RREB1: variants seen among roughly 807,000 people sequenced by gnomAD.
RREB1 encodes ras responsive element binding protein 1.
A neutral mutation model predicts 117.8 loss-of-function variants in RREB1; 27 were observed. That is an observed-to-expected ratio of 0.23 (90% CI 0.17 to 0.32). The LOEUF (loss-of-function observed/expected upper bound fraction) is 0.32. RREB1 is among the 10% of genes least tolerant of loss of function. The probability of loss-of-function intolerance (pLI) is 1.00; values close to 1 mark genes in which losing one functional copy is unlikely to be tolerated. For missense variants in RREB1, 2,577 were observed against 2,378.2 expected, an observed-to-expected ratio of 1.08 and a Z score of -1.74; for synonymous variants, 1,298 against 1,026.7, an observed-to-expected ratio of 1.26 and a Z score of -5.05.
Position 7,229,920 on chromosome 6 carries a change from G to A in RREB1, c.1821G>A (p.Pro607=), listed in dbSNP as rs1427732486. Residue 607 remains proline, a synonymous_variant, in exon 10 of 13, where the codon CCG becomes CCA. Transcript: ENST00000379938. This position sits in a 1 kb window ranked among gnomAD's most constrained non-coding sequence, Gnocchi z 4.5. ...EQDSIIEALL[P]LSMEAKIKQE... ...ACAGCATCATCGAGGCCCTGCTGCC[G>A]CTGAGCATGGAGGCCAAGATCAAGC... The A allele has an allele frequency of 5.0e-6, 8 of 1,599,040 alleles. No individual in the cohort carries two copies. Among genetic ancestry groups the A allele is most frequent in the Non-Finnish European group, 4.3e-6 (5 of 1,169,102 alleles).
chr6:7,199,186 A>G (rs1765810581), intron 6 of RREB1, among the ~76,000 whole-genome samples: 1 of 152,216 alleles, frequency 6.6e-6, no homozygotes, highest in Non-Finnish European at 1.5e-5. Context: ...TTTTCTGGCC[A>G]GGGCTGATAA....
rs1265857630 is a variant in RREB1, at chr6:7,210,853, C to A, written c.475C>A (p.Pro159Thr). The change falls in exon 7 of 13, where the codon CCT becomes ACT. Residue 159 changes from proline to threonine, a missense_variant. By Grantham distance (38) the Pro-to-Thr change is conservative. Coordinates refer to ENST00000379938, the MANE Select transcript of RREB1 (RefSeq NM_001003699.4). ...CCCTAACAGTGCCACAGCCACAGCC[C>A]CTCCATCTCCTCTGAAACGTAGGCG... ...KDPNSATATAPPSPLKRRRLS... is the reference protein window; with the variant it reads ...KDPNSATATATPSPLKRRRLS... The A allele has an allele frequency of 1.2e-6, 2 of 1,614,034 alleles. No homozygotes were observed. Among genetic ancestry groups the A allele is most frequent in the Non-Finnish European group, 1.7e-6 (2 of 1,179,898 alleles).
Position 7,231,461 on chromosome 6 carries a change from C to G in RREB1, c.3362C>G (p.Thr1121Ser), listed in dbSNP as rs149771850. 74 of 1,613,200 alleles carry G rather than the reference C, an allele frequency of 4.6e-5. No homozygotes were observed. The highest frequency in any genetic ancestry group is 5.8e-5 in the Non-Finnish European group (69 of 1,179,822). ...AATTATPAAT[T>S]SPKESSEPPA... ...ACCACCGCCACCCCCGCTGCCACCACCAGCCCAAAAGAGTCTAGTGAGCCT... is the reference window on the plus strand; with the variant it reads ...ACCACCGCCACCCCCGCTGCCACCAGCAGCCCAAAAGAGTCTAGTGAGCCT... Residue 1121 changes from threonine to serine, a missense_variant, in exon 10 of 13, where the codon ACC becomes AGC. Coordinates refer to ENST00000379938, the MANE Select transcript of RREB1 (RefSeq NM_001003699.4).
At chr6:7,161,823 T>C (rs1024769370) in intron 1 of RREB1, among the ~76,000 whole-genome samples, 13 of 152,214 alleles carry the variant, frequency 8.5e-5, no homozygotes, top group Non-Finnish European at 1.6e-4. Context: ...ACCCACCAGC[T>C]GTAGTGCCCC....
At chr6:7,143,851 CTTTTTTTTTTTTTT>C (rs11365387) in intron 1 of RREB1, among the ~76,000 whole-genome samples, 1 of 89,382 alleles carries the variant, frequency 1.1e-5, no homozygotes, top group Non-Finnish European at 2.3e-5. Context: ...TTTTTTCTTT[CTTTTTTTTTTTTTT>C]TTTTTGCATA....
At chr6:7,160,815 T>TAGCTGGGATTACCG (rs376052796) in intron 1 of RREB1, among the ~76,000 whole-genome samples, 14 of 151,814 alleles carry the variant, frequency 9.2e-5, no homozygotes, top group African/African-American at 2.9e-4. Flanking sequence ...GCCTCCTGAG[T>TAGCTGGGATTACCG]AGCTGGGATT....
Position 7,172,696 on chromosome 6 carries a change from G to T in RREB1, c.-284-3959G>T, listed in dbSNP as rs564663989. Among the ~76,000 whole-genome samples, 18 of 147,228 alleles carry T rather than the reference G, an allele frequency of 1.2e-4. No homozygotes were observed. In the South Asian group the frequency reaches 3.6e-3, roughly 29 times the overall value. ...CCAGCCACGGGTTGCCGGTGTGGGG[G>T]GGTGGGGGTGACTTTCTTGGGTTGC... On this transcript the variant is annotated intron_variant, in intron 1 of 12. Transcript: ENST00000379938.
At chr6:7,144,909 G>A (rs1353710796) in intron 1 of RREB1, among the ~76,000 whole-genome samples, 1 of 152,154 alleles carries the variant, frequency 6.6e-6, no homozygotes, top group African/African-American at 2.4e-5. Flanking sequence ...ATATTTATTT[G>A]TTGTCCTTCA....
intron 1 of RREB1, among the ~76,000 whole-genome samples, chr6:7,166,104 C>T (rs541495674): frequency 1.2e-4 from 18 of 152,288 alleles, no homozygotes; most frequent in African/African-American, 1.4e-4. Flanking sequence ...AACTAATCAC[C>T]GCCTGGAGAG....
chr6:7,203,755 G>A lies in RREB1; in HGVS notation c.426-7049G>A, dbSNP rs181608342. Among the ~76,000 whole-genome samples, 267 of 152,332 alleles carry A rather than the reference G, an allele frequency of 1.8e-3. 3 individuals are homozygous for A. Among genetic ancestry groups the A allele is most frequent in the African/African-American group, 6.1e-3 (254 of 41,580 alleles). Reference sequence around the variant, plus strand: ...ATGCTACAGTCAACAGATGAGAGACGTTCTCTATTCTGGGGACGTATTGCC... The same window carrying A: ...ATGCTACAGTCAACAGATGAGAGACATTCTCTATTCTGGGGACGTATTGCC... On this transcript the variant is annotated intron_variant, in intron 6 of 12. Transcript: ENST00000379938.
chr6:7,158,103 C>T (rs896335390), intron 1 of RREB1, among the ~76,000 whole-genome samples: 3 of 152,112 alleles, frequency 2.0e-5, no homozygotes, highest in Non-Finnish European at 4.4e-5. Flanking sequence ...GGATCCCTTT[C>T]CATTTCTTCA....
At chr6:7,126,822 G>A (rs1761955972) in intron 1 of RREB1, among the ~76,000 whole-genome samples, 1 of 152,092 alleles carries the variant, frequency 6.6e-6, no homozygotes, top group Non-Finnish European at 1.5e-5. Context: ...CTTGCCCTGG[G>A]TACCAGCCTC....
rs113384102 is a variant in RREB1 at position 7,145,860 on chromosome 6, G to T, written c.-284-30795G>T. ...GTAGCTGCCCCTATGCCTGTGGGGA[G>T]AAGAAGAGGGAAGAAAGGGGTTGCT... On this transcript the variant is annotated intron_variant, in intron 1 of 12. Coordinates refer to ENST00000379938, the MANE Select transcript of RREB1 (RefSeq NM_001003699.4). 5.4e-3 allele frequency among the ~76,000 whole-genome samples: 825 copies of T among 151,694 alleles called. 9 individuals carry two copies. The highest frequency in any genetic ancestry group is 0.017 in the Middle Eastern group (5 of 294).
At chr6:7,133,210 G>A (rs1762224577) in intron 1 of RREB1, among the ~76,000 whole-genome samples, 1 of 152,108 alleles carries the variant, frequency 6.6e-6, no homozygotes, top group Non-Finnish European at 1.5e-5. Flanking sequence ...GAGAGATGCA[G>A]GGGGCAGGCT....
At chr6:7,142,586 C>T (rs752180685) in intron 1 of RREB1, among the ~76,000 whole-genome samples, 1 of 152,240 alleles carries the variant, frequency 6.6e-6, no homozygotes, top group African/African-American at 2.4e-5. Flanking sequence ...TGAGACAGTT[C>T]GTGGGGTCAG....
chr6:7,223,554 C>G (rs1354516006), intron 8 of RREB1, among the ~76,000 whole-genome samples: 1 of 57,628 alleles, frequency 1.7e-5, no homozygotes, highest in African/African-American at 2.3e-4. Context: ...AAACAAAACT[C>G]TTGTCTCAAA....
At position 7,181,992 on chromosome 6, in the gene RREB1, A is replaced by G. The variant is rs750109942; in HGVS notation, c.81A>G (p.Val27=). The G allele has an allele frequency of 3.1e-6, 5 of 1,614,086 alleles. No individual in the cohort carries two copies. Among genetic ancestry groups the G allele is most frequent in the Non-Finnish European group, 4.2e-6 (5 of 1,180,020 alleles). ...CCATGATGTCGGCGGTCATGAGTGT[A>G]GGGAAGGTCACAGAGAATGGCGGGA... ...INTMMSAVMS[V]GKVTENGGSP... is the part of the protein sequence containing the mutation. The change falls in exon 4 of 13, where the codon GTA becomes GTG. Residue 27 remains valine (V), a synonymous_variant. Coordinates refer to ENST00000379938, the MANE Select transcript of RREB1 (RefSeq NM_001003699.4).
intron 7 of RREB1, among the ~76,000 whole-genome samples, 200 bp downstream of exon 7, chr6:7,211,148 A>G (rs958211966): frequency 9.2e-5 from 14 of 152,256 alleles, no homozygotes; most frequent in African/African-American, 3.4e-4. Context: ...TGCTGAGCCC[A>G]GAGATGAAAT....
intron 8 of RREB1, among the ~76,000 whole-genome samples, chr6:7,220,841 C>G (rs1344495203): frequency 6.6e-6 from 1 of 152,328 alleles, no homozygotes; most frequent in East Asian, 1.9e-4. Context: ...AGGAGAGAGT[C>G]GTGGGGACCA....
Sources: allele counts gnomAD v4.1 joint callset (sites outside exome capture counted in the v4.1 genomes callset), GRCh38; gene constraint gnomAD v4.1.1; non-coding constraint Gnocchi (gnomAD v3.1); transcripts MANE v1.5; gene names NCBI Gene and HGNC (gene_info 2026-07-23, HGNC 2026-07-21).